QTMAN: variants seen among roughly 807,000 people sequenced by gnomAD.
QTMAN encodes queuosine-tRNA mannosyltransferase, also known as tRNA-queuosine alpha-mannosyltransferase.
At chr2:144,141,953 C>A in the QTMAN span, 2 of 1,611,430 alleles carry the variant, frequency 1.2e-6, no homozygotes, top group Non-Finnish European at 1.7e-6. Context: ...TTTCCAGATC[C>A]TTGGGTCTGT....
the QTMAN span, among the ~76,000 whole-genome samples, chr2:143,957,548 C>T: frequency 2.0e-5 from 3 of 152,000 alleles, no homozygotes; most frequent in African/African-American, 7.3e-5. Context: ...AGGCCCGCCT[C>T]GCCACCCTCC....
the QTMAN span, among the ~76,000 whole-genome samples, chr2:144,049,521 G>T: frequency 6.6e-6 from 1 of 152,044 alleles, no homozygotes; most frequent in Non-Finnish European, 1.5e-5. Context: ...TAAGGAAATG[G>T]AATAAAATAA....
At chr2:144,182,888 A>ATATATAATATATATATTT in the QTMAN span, among the ~76,000 whole-genome samples, 7 of 84,998 alleles carry the variant, frequency 8.2e-5, no homozygotes, top group African/African-American at 3.4e-4. Flanking sequence ...TATATATTTT[A>ATATATAATATATATATTT]TATATATATA....
At chr2:144,311,410 C>T in the QTMAN span, among the ~76,000 whole-genome samples, 28 of 152,146 alleles carry the variant, frequency 1.8e-4, no homozygotes, top group African/African-American at 6.5e-4. Flanking sequence ...AAGTGAGTAA[C>T]GTTTCCAACT....
At chr2:144,221,088 G>T in the QTMAN span, among the ~76,000 whole-genome samples, 1 of 152,158 alleles carries the variant, frequency 6.6e-6, no homozygotes, top group East Asian at 1.9e-4. Flanking sequence ...TAGATGCAAA[G>T]AATAGTTTGT....
the QTMAN span, among the ~76,000 whole-genome samples, chr2:144,284,548 T>C: frequency 2.6e-4 from 39 of 152,306 alleles, no homozygotes; most frequent in African/African-American, 8.9e-4. Flanking sequence ...CATGGTGATT[T>C]GTTTCCTCAA....
chr2:144,161,700 CAAGT>C, the QTMAN span, among the ~76,000 whole-genome samples: 3 of 152,014 alleles, frequency 2.0e-5, no homozygotes, highest in Non-Finnish European at 4.4e-5. Context: ...AAATCCAGCC[CAAGT>C]AAGTAGTAAA....
At chr2:143,963,907 T>C in the QTMAN span, 1 of 152,136 alleles carries the variant, frequency 6.6e-6, no homozygotes, top group African/African-American at 2.4e-5. Flanking sequence ...CTCGGGAAAG[T>C]AACTATGTGT....
chr2:144,028,220 A>G, the QTMAN span, among the ~76,000 whole-genome samples: 1 of 152,198 alleles, frequency 6.6e-6, no homozygotes, highest in South Asian at 2.1e-4. Flanking sequence ...AAGAACATAG[A>G]CTGTTGAGAG....
chr2:144,174,021 C>G, the QTMAN span, among the ~76,000 whole-genome samples: 10 of 152,312 alleles, frequency 6.6e-5, no homozygotes, highest in Middle Eastern at 3.4e-3. Context: ...ATACTGCCTT[C>G]AGAACCATGA....
chr2:144,071,773 T>C, the QTMAN span, among the ~76,000 whole-genome samples: 2 of 152,158 alleles, frequency 1.3e-5, no homozygotes, highest in African/African-American at 4.8e-5. Context: ...TGGTGGCAAG[T>C]TAATAAAATG....
chr2:144,039,368 AAACTT>A, the QTMAN span, among the ~76,000 whole-genome samples: 3 of 152,042 alleles, frequency 2.0e-5, no homozygotes, highest in Non-Finnish European at 4.4e-5. Flanking sequence ...CTGCTCTAGG[AAACTT>A]AACTCACAGA....
chr2:144,122,561 A>T, the QTMAN span, among the ~76,000 whole-genome samples: 1 of 152,178 alleles, frequency 6.6e-6, no homozygotes, highest in Non-Finnish European at 1.5e-5. Flanking sequence ...AGTCTCTTTC[A>T]GCCTAAAGTT....
chr2:143,962,319 A>G, the QTMAN span, among the ~76,000 whole-genome samples: 1 of 152,130 alleles, frequency 6.6e-6, no homozygotes, highest in Non-Finnish European at 1.5e-5. Context: ...GGAGGAAGAA[A>G]GGAATTTAAG....
At chr2:144,153,552 A>C in the QTMAN span, among the ~76,000 whole-genome samples, 4 of 152,070 alleles carry the variant, frequency 2.6e-5, no homozygotes, top group Non-Finnish European at 2.9e-5. Flanking sequence ...TTTGCCAGGC[A>C]TGGTGGCAGG....
chr2:144,232,369 G>A, the QTMAN span, among the ~76,000 whole-genome samples: 1 of 152,046 alleles, frequency 6.6e-6, no homozygotes, highest in Non-Finnish European at 1.5e-5. Context: ...CCCCGCAAAA[G>A]AAACAACTGT....
the QTMAN span, among the ~76,000 whole-genome samples, chr2:144,318,781 T>G: frequency 6.6e-6 from 1 of 152,170 alleles, no homozygotes; most frequent in African/African-American, 2.4e-5. Flanking sequence ...TAAAAAGTAA[T>G]CTATGGTTTA....
the QTMAN span, among the ~76,000 whole-genome samples, chr2:144,068,043 G>C: frequency 6.6e-6 from 1 of 152,064 alleles, no homozygotes; most frequent in African/African-American, 2.4e-5. Flanking sequence ...ATTTAAACTG[G>C]GAATATGATG....
the QTMAN span, among the ~76,000 whole-genome samples, chr2:143,965,173 T>G: frequency 1.3e-5 from 2 of 152,134 alleles, no homozygotes; most frequent in Non-Finnish European, 2.9e-5. Context: ...TCATTTGTAA[T>G]ATGGAGTCTG....
Sources: allele counts gnomAD v4.1 joint callset (sites outside exome capture counted in the v4.1 genomes callset), GRCh38; gene constraint gnomAD v4.1.1; transcripts MANE v1.5; gene names NCBI Gene and HGNC (gene_info 2026-07-23, HGNC 2026-07-21).